Variants in ASAP2 observed in about 807,000 individuals in gnomAD.
ASAP2 encodes the protein ArfGAP with SH3 domain, ankyrin repeat and PH domain 2.
A neutral mutation model predicts 131.4 loss-of-function variants in ASAP2; 45 were observed. That is an observed-to-expected ratio of 0.34 (90% CI 0.27 to 0.44). ASAP2 has a LOEUF of 0.44. Ranked by LOEUF, ASAP2 falls within the 20% of genes least tolerant of loss-of-function variation. ASAP2 has a pLI of 1.00. For synonymous variants in ASAP2, 510 were observed against 503.0 expected (o/e 1.01, Z -0.19); for missense variants, 1,011 against 1,297.0 (o/e 0.78, Z 3.39).
chr2:9,359,340 A>G (rs1672939505), intron 15 of ASAP2, among the ~76,000 whole-genome samples: 1 of 152,236 alleles, frequency 6.6e-6, no homozygotes, highest in East Asian at 1.9e-4. Context: ...GGGGGGAGAT[A>G]TTGGTCTTCA....
Position 9,393,583 on chromosome 2 carries a change from A to G in ASAP2, c.2620A>G (p.Ile874Val). ...GCCTGCCCCGCCTGGGATCTCACAG[A>G]TCAGGCCCCCACCTCTGCCCCCACA... ...SKPAPPGISQ[I>V]RPPPLPPQPP... The change falls in exon 24 of 28, where the codon ATC becomes GTC. Residue 874 changes from isoleucine (I) to valine (V), a missense_variant. Ile to Val is a conservative substitution (Grantham distance 29, BLOSUM62 3). Around this residue, in one of 2 missense-constraint regions of ASAP2, gnomAD observed 652 missense variants for 698.9 expected, o/e 0.93. Transcript: ENST00000281419. 1.9e-6 allele frequency: 3 copies of G among 1,596,982 alleles called. No homozygotes were observed. The highest frequency in any genetic ancestry group is 2.6e-6 in the Non-Finnish European group (3 of 1,173,204).
intron 11 of ASAP2, among the ~76,000 whole-genome samples, chr2:9,345,438 G>A (rs781717752): frequency 1.6e-4 from 24 of 152,136 alleles, no homozygotes; most frequent in Non-Finnish European, 3.2e-4. Flanking sequence ...AGCTTTCAGA[G>A]GCCAGGAACT....
At chr2:9,264,610 T>C (rs146595384) in intron 1 of ASAP2, among the ~76,000 whole-genome samples, 5 of 152,242 alleles carry the variant, frequency 3.3e-5, no homozygotes, top group Non-Finnish European at 5.9e-5. Context: ...AATATATCCT[T>C]GTGGTAAAGT....
intron 1 of ASAP2, among the ~76,000 whole-genome samples, chr2:9,275,784 T>G (rs1488848122): frequency 6.6e-6 from 1 of 152,140 alleles, no homozygotes; most frequent in Non-Finnish European, 1.5e-5. Context: ...TGGTAGGCAC[T>G]GGGGATACAA....
rs531283904 is a variant in ASAP2 at position 9,235,099 on chromosome 2, C to T, written c.126+27869C>T. On this transcript the variant is annotated intron_variant, in intron 1 of 27. Coordinates refer to ENST00000281419, the MANE Select transcript of ASAP2 (RefSeq NM_003887.3). ...TCCAAGTGCCGTGTTTCACTGTCCC[C>T]GCCCGACATATGCCAACTGGAGCTT... 7.2e-5 allele frequency among the ~76,000 whole-genome samples: 11 copies of T among 152,232 alleles called. No homozygotes were observed. In the South Asian group the frequency reaches 1.7e-3, roughly 23 times the overall value.
intron 6 of ASAP2, among the ~76,000 whole-genome samples, chr2:9,326,567 C>A (rs576818092): frequency 1.3e-5 from 2 of 151,990 alleles, no homozygotes; most frequent in South Asian, 2.1e-4. Context: ...AATTAAAAAT[C>A]GCCCCCAAAT....
chr2:9,341,493 G>T (rs1671572093), intron 9 of ASAP2, among the ~76,000 whole-genome samples: 1 of 152,146 alleles, frequency 6.6e-6, no homozygotes, highest in Non-Finnish European at 1.5e-5. Flanking sequence ...TGAGAAGAAT[G>T]TCCCTTATCC....
At chr2:9,376,363 C>A (rs1378975717) in intron 17 of ASAP2, among the ~76,000 whole-genome samples, 1 of 152,274 alleles carries the variant, frequency 6.6e-6, no homozygotes, top group African/African-American at 2.4e-5. Flanking sequence ...TTGTTCATCT[C>A]TTCTCCCCCA....
At chr2:9,241,047 T>C (rs1384036325) in intron 1 of ASAP2, among the ~76,000 whole-genome samples, 1 of 152,264 alleles carries the variant, frequency 6.6e-6, no homozygotes, top group Non-Finnish European at 1.5e-5. Flanking sequence ...TTAAAAGTTA[T>C]GAATTGCTTA....
chr2:9,308,765 C>T (rs1453653702), intron 3 of ASAP2, among the ~76,000 whole-genome samples: 6 of 152,126 alleles, frequency 3.9e-5, no homozygotes, highest in Non-Finnish European at 7.3e-5. Flanking sequence ...TTGGAGGCAA[C>T]GTGGATGACT....
chr2:9,387,081 G>C (rs527783974), intron 21 of ASAP2, among the ~76,000 whole-genome samples: 13 of 151,330 alleles, frequency 8.6e-5, no homozygotes, highest in South Asian at 6.3e-4. Flanking sequence ...TGGTGGGTGG[G>C]GGGGCGCCTG....
chr2:9,253,083 G>T (rs779147751), intron 1 of ASAP2, among the ~76,000 whole-genome samples: 3 of 152,088 alleles, frequency 2.0e-5, no homozygotes, highest in Non-Finnish European at 4.4e-5. Flanking sequence ...AACGAAAGTC[G>T]TTTTTTGTTG....
At chr2:9,363,131 C>CT (rs1673218002) in intron 15 of ASAP2, among the ~76,000 whole-genome samples, 1 of 152,208 alleles carries the variant, frequency 6.6e-6, no homozygotes, top group South Asian at 2.1e-4. Context: ...ACAGAATGTC[C>CT]TTTTTTTCAG....
At chr2:9,289,754 AC>A (rs1223371207) in intron 2 of ASAP2, among the ~76,000 whole-genome samples, 1 of 152,218 alleles carries the variant, frequency 6.6e-6, no homozygotes, top group Non-Finnish European at 1.5e-5. Flanking sequence ...ATCATAGACA[AC>A]AGGTTTTGTA....
chr2:9,325,009 C>T (rs1397873157), intron 6 of ASAP2, among the ~76,000 whole-genome samples: 1 of 151,960 alleles, frequency 6.6e-6, no homozygotes, highest in Non-Finnish European at 1.5e-5. Flanking sequence ...TCCTTTACCG[C>T]CTTGTTTTTC....
intron 19 of ASAP2, 146 bp from the exon 20 acceptor site, chr2:9,380,595 G>A: frequency 1.3e-6 from 1 of 796,306 alleles, no homozygotes; most frequent in South Asian, 1.3e-5. Context: ...ATTCAGCCTC[G>A]ACTAGGTCAA....
intron 3 of ASAP2, among the ~76,000 whole-genome samples, chr2:9,306,960 G>A (rs115209871): frequency 1.2e-3 from 180 of 152,266 alleles, no homozygotes; most frequent in African/African-American, 3.7e-3. Context: ...GGCCTGCAAA[G>A]CCAGAATCTT....
At chr2:9,318,404 C>T in intron 3 of ASAP2, 120 bp from the exon 4 acceptor site, 2 of 720,644 alleles carry the variant, frequency 2.8e-6, no homozygotes, top group Non-Finnish European at 4.9e-6. Flanking sequence ...AGTACATGCA[C>T]CGGCCAGGTT....
chr2:9,310,625 C>T (rs997732603), intron 3 of ASAP2, among the ~76,000 whole-genome samples: 1 of 152,172 alleles, frequency 6.6e-6, no homozygotes, highest in Non-Finnish European at 1.5e-5. Context: ...ACTGCAGCTC[C>T]CTGGGGTGGG....
Sources: allele counts gnomAD v4.1 joint callset (sites outside exome capture counted in the v4.1 genomes callset), GRCh38; gene constraint gnomAD v4.1.1; regional missense constraint gnomAD v4.1.1; transcripts MANE v1.5; gene names NCBI Gene and HGNC (gene_info 2026-07-23, HGNC 2026-07-21).